Variants in KLHL22 observed in about 807,000 individuals in gnomAD.
KLHL22 encodes kelch like family member 22, also known as kelch-like protein 22.
Under a neutral mutation model 60.7 loss-of-function variants are expected in KLHL22, and 18 were observed. The observed-to-expected ratio is 0.30, with a 90% confidence interval of 0.20 to 0.44. The LOEUF (loss-of-function observed/expected upper bound fraction) is 0.44. KLHL22 is among the 20% of genes least tolerant of loss of function. The probability of loss-of-function intolerance (pLI) is 1.00; values close to 1 mark genes in which losing one functional copy is unlikely to be tolerated. For missense variants in KLHL22, 596 were observed against 852.3 expected (o/e 0.70, Z 3.74); for synonymous variants, 355 against 354.5 (o/e 1.00, Z -0.01).
chr22:20,479,620 T>C (rs1010338847), intron 2 of KLHL22, among the ~76,000 whole-genome samples: 3 of 152,124 alleles, frequency 2.0e-5, no homozygotes, highest in Non-Finnish European at 2.9e-5. Context: ...GGCAGAAGCA[T>C]TGCTTGAGCC....
At chr22:20,469,486 C>A (rs1007616792) in intron 3 of KLHL22, among the ~76,000 whole-genome samples, 1 of 152,138 alleles carries the variant, frequency 6.6e-6, no homozygotes, top group African/African-American at 2.4e-5. Context: ...TAACTGCTGC[C>A]AGGGTGGAGA....
Position 20,451,616 on chromosome 22 carries a change from G to A in KLHL22, c.1306-4940C>T, listed in dbSNP as rs113209427. On this transcript the variant is annotated intron_variant, in intron 5 of 6. Coordinates refer to ENST00000328879, the MANE Select transcript of KLHL22 (RefSeq NM_032775.4). ...GCATACAACATTCGCACTGATTCCC[G>A]GACAACTGCCACCAGTATGACCACT... is the stretch of plus-strand genomic sequence containing the variant. The A allele has an allele frequency of 2.1e-5, 33 of 1,602,006 alleles. No homozygotes were observed. The African/African-American group carries it at 2.4e-4, about 12-fold the overall frequency.
chr22:20,478,534 A>G (rs1245785692), intron 2 of KLHL22, among the ~76,000 whole-genome samples: 2 of 30,360 alleles, frequency 6.6e-5, no homozygotes, highest in Non-Finnish European at 6.5e-5. Flanking sequence ...TTTTTTTTTG[A>G]GATGGAGTCT....
chr22:20,484,114 G>C (rs1029754158), intron 2 of KLHL22: 2 of 821,752 alleles, frequency 2.4e-6, no homozygotes, highest in Non-Finnish European at 4.1e-6. Flanking sequence ...ATGCTGTCCG[G>C]GGAGGAGAGC....
intron 4 of KLHL22, among the ~76,000 whole-genome samples, chr22:20,462,689 T>C (rs551477140): frequency 1.2e-4 from 19 of 152,178 alleles, no homozygotes; most frequent in African/African-American, 4.6e-4. Flanking sequence ...TCAGGGCACA[T>C]AGCAACATGT....
chr22:20,483,321 C>T (rs2053535536), intron 2 of KLHL22: 1 of 723,794 alleles, frequency 1.4e-6, no homozygotes, highest in African/African-American at 1.7e-5. Context: ...CCTGTCGTTT[C>T]TTCCGAGCCA....
At chr22:20,476,199 T>G (rs1264121713) in intron 2 of KLHL22, among the ~76,000 whole-genome samples, 1 of 152,216 alleles carries the variant, frequency 6.6e-6, no homozygotes, top group Non-Finnish European at 1.5e-5. Context: ...TTTCACTCCA[T>G]GCATGGCCAA....
At chr22:20,491,326 A>G (rs545670204) in intron 1 of KLHL22, 12 of 152,290 alleles carry the variant, frequency 7.9e-5, no homozygotes, top group Admixed American at 3.9e-4. Flanking sequence ...ATTGGTGATG[A>G]ACTTAATCTT....
chr22:20,467,905 G>A (rs1286807280), intron 3 of KLHL22, among the ~76,000 whole-genome samples: 4 of 152,306 alleles, frequency 2.6e-5, no homozygotes, highest in East Asian at 1.9e-4. Flanking sequence ...TGATCTGCCC[G>A]CCTAGGCCTC....
At chr22:20,492,826 A>G (rs1205595458) in intron 1 of KLHL22, among the ~76,000 whole-genome samples, 3 of 152,162 alleles carry the variant, frequency 2.0e-5, no homozygotes, top group Non-Finnish European at 1.5e-5. Context: ...TCCTGACCTC[A>G]GGTGATCCAT....
chr22:20,441,982 G>A lies in KLHL22; in HGVS notation c.*91C>T. 2 of 1,337,148 alleles carry A rather than the reference G, an allele frequency of 1.5e-6. No homozygotes were observed. Among genetic ancestry groups the A allele is most frequent in the Non-Finnish European group, 2.0e-6 (2 of 1,005,798 alleles). The allele number at this position is 1,337,148 out of a possible 1,614,324, so 82.8% of individuals were successfully genotyped here. ...TGTGGCCAACAGGGGCAGGGGCCCTGCCTGGAGTAAAGTGCTCTGGCCTAG... is the reference window on the plus strand; with the variant it reads ...TGTGGCCAACAGGGGCAGGGGCCCTACCTGGAGTAAAGTGCTCTGGCCTAG... On this transcript the variant is annotated 3_prime_UTR_variant, in exon 7 of 7. Coordinates refer to ENST00000328879, the MANE Select transcript of KLHL22 (RefSeq NM_032775.4).
chr22:20,444,843 G>A (rs2052830172), intron 6 of KLHL22, among the ~76,000 whole-genome samples: 1 of 150,170 alleles, frequency 6.7e-6, no homozygotes, highest in Admixed American at 6.6e-5. Context: ...GGAGTGCAGT[G>A]GCACCATCAC....
In KLHL22 at chr22:20,469,802, T is replaced by C. The variant is rs143478989; in HGVS notation, c.393+1548A>G. Among the ~76,000 whole-genome samples, 35 of 151,194 alleles carry C rather than the reference T, an allele frequency of 2.3e-4. No individual in the cohort carries two copies. The East Asian group carries it at 5.0e-3, about 21-fold the overall frequency. The stretch of plus-strand genomic sequence containing the variant: ...TGTTTTTTTTTAATTGCGTCAAACC[T>C]GCTCTCATGGGAAGAAAGGTCAGAA... On this transcript the variant is annotated intron_variant, in intron 3 of 6. Transcript: ENST00000328879.
chr22:20,482,800 C>T (rs2053525984), intron 2 of KLHL22: 2 of 1,200,626 alleles, frequency 1.7e-6, no homozygotes, highest in South Asian at 1.2e-5. Flanking sequence ...CAAAGGATAC[C>T]CTGCTTCTGG....
At chr22:20,494,711 C>G (rs2053742913) in intron 1 of KLHL22, among the ~76,000 whole-genome samples, 1 of 152,176 alleles carries the variant, frequency 6.6e-6, no homozygotes, top group Non-Finnish European at 1.5e-5. Flanking sequence ...TCATCACAAG[C>G]CAAGTTCCCC....
intron 1 of KLHL22, chr22:20,489,640 A>G (rs2053650129): frequency 2.1e-6 from 1 of 466,736 alleles, no homozygotes; most frequent in African/African-American, 2.0e-5. Context: ...GGGGTATTCT[A>G]AAATTGGTAA....
At chr22:20,463,092 A>T (rs954684442) in intron 4 of KLHL22, among the ~76,000 whole-genome samples, 5 of 152,224 alleles carry the variant, frequency 3.3e-5, no homozygotes, top group African/African-American at 1.2e-4. Context: ...GGAAGTTTTG[A>T]GTCCACTGGA....
chr22:20,451,553 G>A lies in KLHL22; in HGVS notation c.1306-4877C>T, dbSNP rs2052979285. On this transcript the variant is annotated intron_variant, in intron 5 of 6. Transcript: ENST00000328879. ...CTGAATGACCGTATTTATGTGGTGG[G>A]GAGATTTGATGGTACAGCCCACCTT... 7.5e-6 allele frequency: 12 copies of A among 1,597,928 alleles called. No individual in the cohort carries two copies. The Middle Eastern group carries it at 5.5e-4, about 74-fold the overall frequency.
chr22:20,454,473 A>T (rs2053031464), intron 5 of KLHL22, among the ~76,000 whole-genome samples: 1 of 152,224 alleles, frequency 6.6e-6, no homozygotes, highest in Non-Finnish European at 1.5e-5. Context: ...ATGAATGAGG[A>T]AGAATATTGT....
Sources: gnomAD v4.1 joint callset for allele counts (sites outside exome capture counted in the v4.1 genomes callset) on GRCh38, gnomAD v4.1.1 for gene constraint, MANE v1.5 for transcripts, NCBI Gene and HGNC (gene_info 2026-07-23, HGNC 2026-07-21) for gene names.